ENO3: variants seen among roughly 807,000 people sequenced by gnomAD.
ENO3 encodes the protein beta-enolase.
A neutral mutation model predicts 47.7 loss-of-function variants in ENO3; 46 were observed. The observed-to-expected ratio is 0.96, with a 90% CI of 0.76 to 1.23. ENO3 has a LOEUF of 1.23. Ranked by LOEUF, ENO3 falls within the 50% of genes most tolerant of loss-of-function variation. The pLI is 0.00. For missense variants in ENO3, 575 were observed against 566.2 expected, an observed-to-expected ratio of 1.02 and a Z score of -0.16; for synonymous variants, 223 against 225.9, an observed-to-expected ratio of 0.99 and a Z score of 0.11.
upstream of ENO3, among the ~76,000 whole-genome samples, chr17:4,949,661 C>T (rs1399607875): frequency 6.6e-6 from 1 of 152,162 alleles, no homozygotes; most frequent in African/African-American, 2.4e-5. Context: ...AAACCGCCTC[C>T]TCCGACCCGC....
intron 2 of ENO3, among the ~76,000 whole-genome samples, 183 bp from the exon 3 acceptor site, chr17:4,952,612 C>T (rs1971575391): frequency 6.6e-6 from 1 of 152,208 alleles, no homozygotes; most frequent in South Asian, 2.1e-4. Context: ...CGTGAGCCAC[C>T]GCGCCCGGCC....
chr17:4,955,888 C>G (rs1257498074), intron 8 of ENO3, 54 bp from the exon 9 acceptor site: 1 of 1,465,996 alleles, frequency 6.8e-7, no homozygotes, highest in Admixed American at 1.7e-5. Flanking sequence ...TCTGCCCTGT[C>G]TCTGCCCTGT....
At chr17:4,954,041 C>T (rs1567671626) in intron 6 of ENO3, 196 bp downstream of exon 6, 4 of 810,074 alleles carry the variant, frequency 4.9e-6, no homozygotes, top group Admixed American at 4.6e-5. Flanking sequence ...GCTCTATGTG[C>T]TTCCTTCCCT....
chr17:4,954,980 G>A (rs1971671335), intron 6 of ENO3, 95 bp from the exon 7 acceptor site: 1 of 1,126,744 alleles, frequency 8.9e-7, no homozygotes, highest in Admixed American at 2.0e-5. Flanking sequence ...CTAGTAAGTA[G>A]GGAAGCCAGG....
At chr17:4,950,758 G>A (rs1003250202), upstream of ENO3, 1 of 846,156 alleles carries the variant, frequency 1.2e-6, no homozygotes, top group African/African-American at 1.8e-5. Flanking sequence ...CCCCTCCCCA[G>A]CCTTGCAGGG....
chr17:4,952,139 C>T (rs1971558872), intron 2 of ENO3: 2 of 662,768 alleles, frequency 3.0e-6, no homozygotes, highest in Non-Finnish European at 5.5e-6. Context: ...CACCTCAGCC[C>T]TTTGAGAGGT....
At chr17:4,948,959 G>C (rs984844132), upstream of ENO3, 2 of 152,172 alleles carry the variant, frequency 1.3e-5, no homozygotes, top group Admixed American at 1.3e-4. Context: ...CCGAAGGGAA[G>C]GACCGGCGGG....
In ENO3 at chr17:4,955,099, T is replaced by C. The variant is rs919480583; in HGVS notation, c.469T>C (p.Ser157Pro). 6.2e-7 allele frequency: 1 copy of C among 1,609,902 alleles called. No homozygotes were observed. The highest frequency in any genetic ancestry group is 2.2e-5 in the East Asian group (1 of 44,664). Reference protein sequence around the residue: ...VPAFNVINGGSHAGNKLAMQE... With the variant: ...VPAFNVINGGPHAGNKLAMQE... The stretch of plus-strand genomic sequence containing the variant: ...GGCCTTCAATGTGATCAACGGGGGC[T>C]CCCATGCTGGAAACAAGCTGGCCAT... The change falls in exon 7 of 12, where the codon TCC becomes CCC. Residue 157 changes from serine (S) to proline (P), a missense_variant. By Grantham distance (74) the Ser-to-Pro change is moderately conservative. Transcript: ENST00000519602.
At chr17:4,949,525 T>G (rs938164510), upstream of ENO3, among the ~76,000 whole-genome samples, 1 of 150,952 alleles carries the variant, frequency 6.6e-6, no homozygotes, top group Non-Finnish European at 1.5e-5. Flanking sequence ...GTTGCAAGAG[T>G]GGCAACTTTT....
Position 4,951,608 on chromosome 17 carries a change from A to G in ENO3, c.-2-220A>G, listed in dbSNP as rs1597695632. 15 of 558,024 alleles carry G rather than the reference A, an allele frequency of 2.7e-5. No individual in the cohort carries two copies. The Admixed American group carries it at 4.2e-4, about 15-fold the overall frequency. The allele number at this position is 558,024 out of a possible 1,614,324, so 34.6% of individuals were successfully genotyped here. A position where few individuals can be genotyped will look rare whatever the true frequency, so the allele number is the denominator to read the frequency against. On this transcript the variant is annotated intron_variant, in intron 1 of 11. Coordinates refer to ENST00000519602, the MANE Select transcript of ENO3 (RefSeq NM_053013.4). The stretch of plus-strand genomic sequence containing the variant: ...AGCGGTGGCATCCCAGGAGCTATAG[A>G]TAAGAGGCCCCTGGATTCTTAGGAT...
intron 4 of ENO3, 81 bp from the exon 5 acceptor site, chr17:4,953,191 T>G: frequency 6.2e-7 from 1 of 1,612,940 alleles, no homozygotes; most frequent in South Asian, 1.1e-5. Flanking sequence ...CCGAAACATT[T>G]TCCCTTATCC....
rs760621268 is a variant in ENO3 at position 4,956,130 on chromosome 17, G to A, written c.1054G>A (p.Glu352Lys). 1.2e-5 allele frequency: 19 copies of A among 1,613,728 alleles called. No homozygotes were observed. Among genetic ancestry groups the A allele is most frequent in the East Asian group, 1.1e-4 (5 of 44,860 alleles). ...GGTCAACCAGATCGGCTCGGTGACC[G>A]AATCGATCCAGGCGTGAGTGCCTCC... is the stretch of plus-strand genomic sequence containing the variant. Reference protein sequence around the residue: ...LKVNQIGSVTESIQACKLAQS... With the variant: ...LKVNQIGSVTKSIQACKLAQS... The change falls in exon 9 of 12, where the codon GAA becomes AAA. Residue 352 changes from glutamate to lysine, a missense_variant. Transcript: ENST00000519602.
chr17:4,948,986 C>CGCGCCT (rs1263120795), upstream of ENO3: 31 of 151,916 alleles, frequency 2.0e-4, no homozygotes, highest in East Asian at 2.5e-3. Flanking sequence ...CGCGTGTGCC[C>CGCGCCT]GCGCCTGCGC....
At chr17:4,951,094 T>A (rs1056500966), upstream of ENO3, 5 of 985,418 alleles carry the variant, frequency 5.1e-6, no homozygotes, top group African/African-American at 8.8e-5. Flanking sequence ...CAGGGATAAA[T>A]GCGCAGCCTG....
At chr17:4,955,765 G>A (rs1971704532) in intron 8 of ENO3, 161 bp downstream of exon 8, 2 of 1,312,070 alleles carry the variant, frequency 1.5e-6, no homozygotes, top group South Asian at 1.2e-5. Context: ...CCTCCATGAG[G>A]CTCCTTCTGA....
Position 4,956,572 on chromosome 17 carries a change from G to T in ENO3, c.1068-1G>T, listed in dbSNP as rs371648627. The stretch of plus-strand genomic sequence containing the variant: ...CCACATCAAATGTCCTCTCCACTCA[G>T]GTGCAAACTGGCTCAGTCTAATGGC... On this transcript the variant is annotated splice_acceptor_variant, in intron 9 of 11. Transcript: ENST00000519602. LOFTEE classifies it high-confidence loss of function. 41 of 1,614,174 alleles carry T rather than the reference G, an allele frequency of 2.5e-5. No homozygotes were observed. Among genetic ancestry groups the T allele is most frequent in the Non-Finnish European group, 3.1e-5 (36 of 1,180,018 alleles).
At chr17:4,950,829 G>A (rs942819930), upstream of ENO3, among the ~76,000 whole-genome samples, 2 of 152,098 alleles carry the variant, frequency 1.3e-5, no homozygotes, top group Non-Finnish European at 1.5e-5. Context: ...TGCAAAAGGG[G>A]AATGTAATCC....
At chr17:4,950,622 C>T (rs543265055), upstream of ENO3, 9 of 985,502 alleles carry the variant, frequency 9.1e-6, no homozygotes, top group African/African-American at 1.4e-4. Flanking sequence ...GTTATGAGGA[C>T]CCTAAGAGGT....
Position 4,957,000 on chromosome 17 carries a change from A to G in ENO3, c.1258A>G (p.Lys420Glu), listed in dbSNP as rs759784552. 2.5e-6 allele frequency: 4 copies of G among 1,614,094 alleles called. No individual in the cohort carries two copies. The highest frequency in any genetic ancestry group is 2.2e-5 in the South Asian group (2 of 91,088). ...LMRIEEALGD[K>E]AIFAGRKFRN... ...TAGGATCGAGGAGGCTCTTGGGGAC[A>G]AGGCAATCTTTGCTGGACGCAAGTT... The change falls in exon 12 of 12, where the codon AAG becomes GAG. Residue 420 changes from lysine to glutamate, a missense_variant. Lys to Glu is a moderately conservative substitution (Grantham distance 56). Transcript: ENST00000519602.
Sources: gnomAD v4.1 joint callset for allele counts (sites outside exome capture counted in the v4.1 genomes callset) on GRCh38, gnomAD v4.1.1 for gene constraint, MANE v1.5 for transcripts, NCBI Gene and HGNC (gene_info 2026-07-23, HGNC 2026-07-21) for gene names.